The following PLAAT3 variants were observed in gnomAD, a reference collection of about 807,000 sequenced individuals.
PLAAT3 encodes phospholipase A and acyltransferase 3.
Under a neutral mutation model 16.7 loss-of-function variants are expected in PLAAT3, and 21 were observed. The observed-to-expected ratio is 1.26, with a 90% CI of 0.89 to 1.81. The LOEUF (loss-of-function observed/expected upper bound fraction) is 1.81. PLAAT3 is among the 40% of genes most tolerant of loss of function. The pLI is 0.00. For synonymous variants in PLAAT3, 76 were observed against 81.7 expected (o/e 0.93, Z 0.38); for missense variants, 219 against 213.7 (o/e 1.02, Z -0.16).
chr11:63,578,594 C>G (rs1488558310), intron 4 of PLAAT3, among the ~76,000 whole-genome samples: 1 of 151,938 alleles, frequency 6.6e-6, no homozygotes, highest in East Asian at 1.9e-4. Context: ...TGATCTTTGA[C>G]AAACCTGACA....
At chr11:63,578,149 G>A (rs1937673681) in intron 4 of PLAAT3, among the ~76,000 whole-genome samples, 1 of 152,004 alleles carries the variant, frequency 6.6e-6, no homozygotes, top group Non-Finnish European at 1.5e-5. Context: ...CAGGCATGGT[G>A]GTGCGCGCCT....
intron 4 of PLAAT3, among the ~76,000 whole-genome samples, chr11:63,584,994 A>G (rs1378502781): frequency 6.6e-6 from 1 of 151,458 alleles, no homozygotes; most frequent in Non-Finnish European, 1.5e-5. Flanking sequence ...TACTAAATCT[A>G]TCATCTCTAG....
At chr11:63,613,310 C>T (rs532365396) in intron 2 of PLAAT3, among the ~76,000 whole-genome samples, 1 of 152,176 alleles carries the variant, frequency 6.6e-6, no homozygotes, top group East Asian at 1.9e-4. Flanking sequence ...ACTCGGTAGG[C>T]TGAGGCAGGA....
At chr11:63,599,215 G>C (rs1471934703) in intron 2 of PLAAT3, among the ~76,000 whole-genome samples, 2 of 152,226 alleles carry the variant, frequency 1.3e-5, no homozygotes, top group Non-Finnish European at 2.9e-5. Flanking sequence ...GAGCCCATCA[G>C]AGGCTGGTTC....
At chr11:63,594,760 C>T (rs771761194) in intron 3 of PLAAT3, among the ~76,000 whole-genome samples, 4 of 151,956 alleles carry the variant, frequency 2.6e-5, no homozygotes, top group East Asian at 1.9e-4. Flanking sequence ...TGAGGCCGGG[C>T]GTTTGATCAA....
intron 2 of PLAAT3, among the ~76,000 whole-genome samples, chr11:63,611,315 C>G (rs939509154): frequency 2.6e-5 from 4 of 152,126 alleles, no homozygotes; most frequent in Admixed American, 1.3e-4. Flanking sequence ...AAAAGTCGGT[C>G]TGCCTTTTAT....
At position 63,614,418 on chromosome 11, in the gene PLAAT3, C is replaced by A; in HGVS notation, c.-88G>T. ...CTCGGAGGCAGCGCTGCAGCCCCAG[C>A]AATTGGACCGGGTCTAATGGCCGCG... On this transcript the variant is annotated 5_prime_UTR_variant, in exon 1 of 5. Transcript: ENST00000415826. 1 of 198,190 alleles carries A rather than the reference C, an allele frequency of 5.0e-6. No homozygotes were observed. Among genetic ancestry groups the A allele is most frequent in the Non-Finnish European group, 1.0e-5 (1 of 97,576 alleles). 12.3% of individuals were successfully genotyped at this position (198,190 alleles called of 1,614,324 possible).
chr11:63,609,763 C>G (rs1201513939), intron 2 of PLAAT3, among the ~76,000 whole-genome samples: 1 of 152,172 alleles, frequency 6.6e-6, no homozygotes, highest in African/African-American at 2.4e-5. Context: ...GCAGCTCTGG[C>G]AGGCACCAGG....
Position 63,575,025 on chromosome 11 carries a change from C to T in PLAAT3, c.409G>A (p.Ala137Thr). 6.2e-7 allele frequency: 1 copy of T among 1,612,452 alleles called. No homozygotes were observed. Among genetic ancestry groups the T allele is most frequent in the Non-Finnish European group, 8.5e-7 (1 of 1,178,486 alleles). ...SDQVRDVIIA[A>T]SVAGMGLAAM... ...GCCAAGCCCATTCCTGCAACGCTTG[C>T]AGCGATGATGACATCTCTGACCTGC... Residue 137 changes from alanine to threonine, a missense_variant, in exon 5 of 5, where the codon GCA (alanine) becomes ACA (threonine). By Grantham distance (58) the Ala-to-Thr change is moderately conservative. Transcript: ENST00000415826.
At chr11:63,592,814 C>T (rs1010687632) in intron 3 of PLAAT3, among the ~76,000 whole-genome samples, 1 of 152,186 alleles carries the variant, frequency 6.6e-6, no homozygotes, top group Non-Finnish European at 1.5e-5. Context: ...GTGTCTGGCA[C>T]AGGACAGGCA....
intron 2 of PLAAT3, among the ~76,000 whole-genome samples, chr11:63,609,008 C>T (rs1032088208): frequency 5.3e-5 from 8 of 152,146 alleles, no homozygotes; most frequent in African/African-American, 1.7e-4. Flanking sequence ...AACGTAGGAG[C>T]CATTCACTAA....
upstream of PLAAT3, among the ~76,000 whole-genome samples, chr11:63,614,806 G>C (rs1024455913): frequency 2.0e-5 from 3 of 151,448 alleles, no homozygotes; most frequent in Non-Finnish European, 2.9e-5. Flanking sequence ...ACGAGGTCAA[G>C]AGATCGAGAC....
rs61515780 is a variant in PLAAT3, at chr11:63,581,680, G to A, written c.388-6634C>T. On this transcript the variant is annotated intron_variant, in intron 4 of 4. Coordinates refer to ENST00000415826, the MANE Select transcript of PLAAT3 (RefSeq NM_001128203.2). Reference sequence around the variant, plus strand: ...CTTGTGACCTACTCCCTGTTTGTACGCCCTCTCCCCTTTTAAAATCCGTAA... The same window carrying A: ...CTTGTGACCTACTCCCTGTTTGTACACCCTCTCCCCTTTTAAAATCCGTAA... 9.5e-3 allele frequency among the ~76,000 whole-genome samples: 1,453 copies of A among 152,184 alleles called. 24 individuals are homozygous for A. The highest frequency in any genetic ancestry group is 0.033 in the African/African-American group (1,372 of 41,522).
At chr11:63,611,007 C>T (rs1938678342) in intron 2 of PLAAT3, among the ~76,000 whole-genome samples, 1 of 152,114 alleles carries the variant, frequency 6.6e-6, no homozygotes, top group African/African-American at 2.4e-5. Flanking sequence ...AACATAAAAG[C>T]CGCAAAAGCC....
At chr11:63,581,943 C>A (rs1439751701) in intron 4 of PLAAT3, among the ~76,000 whole-genome samples, 2 of 152,228 alleles carry the variant, frequency 1.3e-5, no homozygotes, top group Non-Finnish European at 2.9e-5. Context: ...TTTTCTCCTA[C>A]AGACACTAGA....
chr11:63,581,961 G>A (rs1028699328), intron 4 of PLAAT3, among the ~76,000 whole-genome samples: 8 of 152,190 alleles, frequency 5.3e-5, no homozygotes, highest in African/African-American at 9.6e-5. Flanking sequence ...AGAAAAGAAT[G>A]TCAATGCTTT....
chr11:63,580,254 G>T (rs563855380), intron 4 of PLAAT3, among the ~76,000 whole-genome samples: 2 of 152,294 alleles, frequency 1.3e-5, no homozygotes, highest in South Asian at 2.1e-4. Context: ...AGCCCCAAAA[G>T]GTGTCCATGT....
chr11:63,574,970 G>C lies in PLAAT3; in HGVS notation c.464C>G (p.Ser155Ter). ...TTATTGCTTTTGTCGCTTGTTTCTT[G>C]AGAACATGACTCCAATAAGGCTCAT... ...AAMSLIGVMF[S>*]RNKRQKQ The change falls in exon 5 of 5, where the codon TCA becomes TGA. Residue 155 changes from serine (S) to a stop codon, truncating the protein, a stop_gained. Transcript: ENST00000415826. LOFTEE classifies it high-confidence loss of function. The C allele has an allele frequency of 6.2e-7, 1 of 1,610,898 alleles. No homozygotes were observed. Among genetic ancestry groups the C allele is most frequent in the Non-Finnish European group, 8.5e-7 (1 of 1,177,020 alleles).
At chr11:63,606,089 C>T (rs1040762148) in intron 2 of PLAAT3, among the ~76,000 whole-genome samples, 2 of 152,180 alleles carry the variant, frequency 1.3e-5, no homozygotes, top group East Asian at 1.9e-4. Context: ...TCCCCTCTTC[C>T]GCCATCAAGA....
Sources: gnomAD v4.1 joint callset for allele counts (sites outside exome capture counted in the v4.1 genomes callset) on GRCh38, gnomAD v4.1.1 for gene constraint, MANE v1.5 for transcripts, NCBI Gene and HGNC (gene_info 2026-07-23, HGNC 2026-07-21) for gene names.